EML1: variants seen among roughly 807,000 people sequenced by gnomAD.
EML1 encodes EMAP like 1, also known as echinoderm microtubule-associated protein-like 1.
A neutral mutation model predicts 110.4 loss-of-function variants in EML1; 27 were observed. That is an observed-to-expected ratio of 0.24 (90% CI 0.18 to 0.34). The LOEUF is 0.34. Among genes scored for constraint, EML1 ranks in the 10% least tolerant of loss-of-function variants. EML1 has a pLI of 1.00. For synonymous variants in EML1, 344 were observed against 385.8 expected (o/e 0.89, Z 1.27); for missense variants, 741 against 1,030.9 (o/e 0.72, Z 3.85).
At chr14:99,774,087 G>C (rs1228453351) in intron 1 of EML1, 3 of 152,416 alleles carry the variant, frequency 2.0e-5, no homozygotes, top group African/African-American at 4.8e-5. Context: ...AGGGCGGGGG[G>C]CCTCTGAACC....
At chr14:99,917,697 G>C (rs762110396) in intron 15 of EML1, 85 bp from the exon 16 acceptor site, 202 of 682,810 alleles carry the variant, frequency 3.0e-4, no homozygotes, top group Non-Finnish European at 3.6e-4. Context: ...GTGAGCGTTT[G>C]TGTGTGCACG....
chr14:99,752,240 G>A (rs1475559861), intron 1 of EML1, among the ~76,000 whole-genome samples: 1 of 152,008 alleles, frequency 6.6e-6, no homozygotes, highest in African/African-American at 2.4e-5. Flanking sequence ...GTACCCAGGA[G>A]GACACTCGAA....
intron 1 of EML1, among the ~76,000 whole-genome samples, chr14:99,739,551 T>C (rs4905890): frequency 0.76 from 116,064 of 152,100 alleles, 45,972 homozygotes; most frequent in South Asian, 0.91. Flanking sequence ...GAGGTGGGGC[T>C]TGGATTCCAG....
At chr14:99,870,725 G>A (rs936844360) in intron 3 of EML1, among the ~76,000 whole-genome samples, 7 of 152,178 alleles carry the variant, frequency 4.6e-5, no homozygotes, top group African/African-American at 1.7e-4. Context: ...CTAGATGACA[G>A]CACATCTGTT....
At chr14:99,903,649 G>A (rs2059795567) in intron 9 of EML1, among the ~76,000 whole-genome samples, 1 of 151,990 alleles carries the variant, frequency 6.6e-6, no homozygotes. Context: ...TACAAATACA[G>A]CCCAAAGAAA....
At chr14:99,762,900 A>G (rs369184493) in intron 1 of EML1, among the ~76,000 whole-genome samples, 15 of 152,302 alleles carry the variant, frequency 9.8e-5, no homozygotes, top group African/African-American at 3.6e-4. Flanking sequence ...TAGGAAACTG[A>G]TATTATCTAC....
chr14:99,759,442 G>A (rs1031466608), intron 1 of EML1, among the ~76,000 whole-genome samples: 1 of 152,240 alleles, frequency 6.6e-6, no homozygotes, highest in African/African-American at 2.4e-5. Flanking sequence ...CCCTCAGCCA[G>A]CCTGGAGGGC....
intron 1 of EML1, among the ~76,000 whole-genome samples, chr14:99,750,266 G>A (rs2057160896): frequency 6.6e-6 from 1 of 152,198 alleles, no homozygotes; most frequent in African/African-American, 2.4e-5. Context: ...GGTGGCCCCC[G>A]GATGTTCAGT....
intron 1 of EML1, among the ~76,000 whole-genome samples, chr14:99,811,193 G>C (rs1357538030): frequency 6.8e-6 from 1 of 146,924 alleles, no homozygotes; most frequent in Non-Finnish European, 1.5e-5. Flanking sequence ...TTGGGTTTTT[G>C]TTTTTTGAAA....
At chr14:99,830,667 C>T (rs1177471351) in intron 1 of EML1, among the ~76,000 whole-genome samples, 1 of 152,156 alleles carries the variant, frequency 6.6e-6, no homozygotes, top group Non-Finnish European at 1.5e-5. Context: ...TCTCCTGCCT[C>T]AGCCTCCCAA....
intron 1 of EML1, among the ~76,000 whole-genome samples, chr14:99,748,812 C>T (rs2057142823): frequency 6.6e-6 from 1 of 152,202 alleles, no homozygotes; most frequent in South Asian, 2.1e-4. Context: ...TTAGTAGCGA[C>T]CCCTTCTAGC....
chr14:99,838,919 G>GCGCGCC (rs1555394664), intron 1 of EML1: 1 of 41,782 alleles, frequency 2.4e-5, no homozygotes, highest in African/African-American at 1.1e-4. Context: ...GCGCGCGCGC[G>GCGCGCC]TGTGTGTGTG....
intron 3 of EML1, among the ~76,000 whole-genome samples, chr14:99,876,591 G>T (rs1443798275): frequency 1.3e-5 from 2 of 152,126 alleles, no homozygotes; most frequent in Non-Finnish European, 2.9e-5. Flanking sequence ...GATTTCCTCT[G>T]CATCCGTGGC....
chr14:99,764,932 G>GTGT (rs779994292), intron 1 of EML1, among the ~76,000 whole-genome samples: 1 of 151,964 alleles, frequency 6.6e-6, no homozygotes, highest in Admixed American at 6.6e-5. Context: ...GTTGTTGTTG[G>GTGT]TGTTGTTGTT....
intron 1 of EML1, among the ~76,000 whole-genome samples, chr14:99,811,766 C>T (rs898114781): frequency 9.3e-5 from 14 of 151,350 alleles, no homozygotes; most frequent in African/African-American, 3.4e-4. Flanking sequence ...GCCAAGATCA[C>T]ATCCCTGCAC....
In EML1 at chr14:99,914,489, G is replaced by A. The variant is rs2060000423; in HGVS notation, c.1621-77G>A. 8 of 1,536,998 alleles carry A rather than the reference G, an allele frequency of 5.2e-6. No individual in the cohort carries two copies. In the African/African-American group the frequency reaches 5.6e-5, roughly 11 times the overall value. ...AGTTATGAAGTCAGCATGAAGCCTC[G>A]GTTCGTCATCCCTTACGGCTCCTGA... On this transcript the variant is annotated intron_variant, in intron 14 of 21. Transcript: ENST00000262233.
At chr14:99,917,966 A>G (rs1201491874) in intron 16 of EML1, 117 bp downstream of exon 16, 1 of 980,546 alleles carries the variant, frequency 1.0e-6, no homozygotes, top group Non-Finnish European at 1.5e-6. Context: ...CGAAGCTTCT[A>G]ATGACTTACC....
At chr14:99,807,785 T>C (rs554766293) in intron 1 of EML1, among the ~76,000 whole-genome samples, 1 of 152,304 alleles carries the variant, frequency 6.6e-6, no homozygotes, top group African/African-American at 2.4e-5. Flanking sequence ...CAGCGTTGTC[T>C]AGAATCAAGA....
chr14:99,844,978 A>C (rs2058685427), intron 1 of EML1, among the ~76,000 whole-genome samples: 1 of 152,204 alleles, frequency 6.6e-6, no homozygotes, highest in Non-Finnish European at 1.5e-5. Flanking sequence ...GAGCCACCAG[A>C]AACATTGGCG....
Sources: allele counts gnomAD v4.1 joint callset (sites outside exome capture counted in the v4.1 genomes callset), GRCh38; gene constraint gnomAD v4.1.1; transcripts MANE v1.5; gene names NCBI Gene and HGNC (gene_info 2026-07-23, HGNC 2026-07-21).